The following GRIK4 variants were observed in gnomAD, a reference collection of about 807,000 sequenced individuals.
The protein encoded by GRIK4 is glutamate ionotropic receptor kainate type subunit 4.
In GRIK4, 40 loss-of-function variants were observed where a neutral mutation model predicts 104.9. That is an observed-to-expected ratio of 0.38 (90% CI 0.30 to 0.50). The LOEUF (loss-of-function observed/expected upper bound fraction) is 0.50, where lower values mean the gene tolerates loss of function less well. Ranked by LOEUF, GRIK4 falls within the 20% of genes least tolerant of loss-of-function variation. The pLI is 0.93. For missense variants in GRIK4, 1,047 were observed against 1,308.1 expected, an observed-to-expected ratio of 0.80 and a Z score of 3.08; for synonymous variants, 485 against 524.9, an observed-to-expected ratio of 0.92 and a Z score of 1.04.
intron 1 of GRIK4, among the ~76,000 whole-genome samples, chr11:120,543,241 C>T (rs1948054231): frequency 6.6e-6 from 1 of 152,154 alleles, no homozygotes; most frequent in African/African-American, 2.4e-5. Flanking sequence ...TAAACCTGCA[C>T]ATGTACCCCT....
intron 3 of GRIK4, among the ~76,000 whole-genome samples, chr11:120,753,880 G>A (rs903490975): frequency 6.6e-6 from 1 of 152,132 alleles, no homozygotes; most frequent in African/African-American, 2.4e-5. Flanking sequence ...TTAACCGTTA[G>A]GCAAGCTTCA....
chr11:120,657,439 ATCT>A (rs1200443411), intron 2 of GRIK4, among the ~76,000 whole-genome samples: 1 of 152,198 alleles, frequency 6.6e-6, no homozygotes, highest in Non-Finnish European at 1.5e-5. Flanking sequence ...TTTACTCTTT[ATCT>A]TCCTCTGTCT....
chr11:120,538,585 G>A (rs944285039), intron 1 of GRIK4, among the ~76,000 whole-genome samples: 8 of 152,202 alleles, frequency 5.3e-5, no homozygotes, highest in Admixed American at 3.3e-4. Flanking sequence ...CTTCCTGGCC[G>A]CTTACGGCTG....
At chr11:120,688,323 C>T (rs531399766) in intron 3 of GRIK4, among the ~76,000 whole-genome samples, 7 of 152,298 alleles carry the variant, frequency 4.6e-5, no homozygotes, top group South Asian at 2.1e-4. Flanking sequence ...CACCCTACCC[C>T]GAAGAGGAAG....
At chr11:120,933,799 C>T (rs116060684) in intron 13 of GRIK4, among the ~76,000 whole-genome samples, 6,060 of 152,190 alleles carry the variant, frequency 0.04, 403 homozygotes, top group African/African-American at 0.14. Context: ...GCCATTTGGA[C>T]GGCAAGGAGC....
chr11:120,521,440 C>T (rs1438271326), intron 1 of GRIK4, among the ~76,000 whole-genome samples: 1 of 152,156 alleles, frequency 6.6e-6, no homozygotes, highest in Non-Finnish European at 1.5e-5. Context: ...TTTGTGTCCT[C>T]TCCCCCAAAG....
intron 8 of GRIK4, among the ~76,000 whole-genome samples, chr11:120,838,152 GTGA>G (rs1056510231): frequency 6.6e-6 from 1 of 152,170 alleles, no homozygotes; most frequent in African/African-American, 2.4e-5. Flanking sequence ...AAGAATGATG[GTGA>G]TGATATTATC....
intron 13 of GRIK4, chr11:120,936,043 C>T: frequency 1.6e-5 from 3 of 188,272 alleles, no homozygotes; most frequent in Non-Finnish European, 2.1e-5. Flanking sequence ...CATCATCATC[C>T]TGGTCTTCAT....
chr11:120,940,271 A>G lies in GRIK4; in HGVS notation c.1477-76A>G. The G allele has an allele frequency of 1.2e-6, 1 of 831,266 alleles. No individual in the cohort carries two copies. Among genetic ancestry groups the G allele is most frequent in the East Asian group, 2.4e-5 (1 of 41,202 alleles). The allele number at this position is 831,266 out of a possible 1,614,324, so 51.5% of individuals were successfully genotyped here. ...CAGCATCACATCTCCAATAGCAGTG[A>G]CGGTTGCTGGTCGCAAGTCTCTGTG... On this transcript the variant is annotated intron_variant, in intron 13 of 20. Transcript: ENST00000527524. This position sits in a 1 kb window ranked among gnomAD's most constrained non-coding sequence, Gnocchi z 4.3.
intron 3 of GRIK4, among the ~76,000 whole-genome samples, chr11:120,672,423 A>T (rs930674641): frequency 8.5e-5 from 13 of 152,206 alleles, no homozygotes; most frequent in African/African-American, 2.9e-4. Flanking sequence ...TCTTAAAAAA[A>T]AAATAGAAAA....
intron 1 of GRIK4, among the ~76,000 whole-genome samples, chr11:120,597,612 G>A (rs1406739241): frequency 5.3e-5 from 8 of 152,216 alleles, no homozygotes; most frequent in East Asian, 1.9e-4. Flanking sequence ...TGCCTCAGCC[G>A]TGCGCTTTGC....
rs77766346 is a variant in GRIK4 at position 120,759,475 on chromosome 11, T to C, written c.83-43218T>C. Among the ~76,000 whole-genome samples the C allele has an allele frequency of 7.0e-3, 1,061 of 152,236 alleles. 15 individuals carry two copies. The highest frequency in any genetic ancestry group is 0.025 in the African/African-American group (1,022 of 41,544). The stretch of plus-strand genomic sequence containing the variant: ...TCTCCAAGATTGGCTTCTCCCAAGA[T>C]TGGATTCCCTTTGTATTGTATTGTG... On this transcript the variant is annotated intron_variant, in intron 3 of 20. Coordinates refer to ENST00000527524, the MANE Select transcript of GRIK4 (RefSeq NM_014619.5).
intron 11 of GRIK4, among the ~76,000 whole-genome samples, chr11:120,897,672 C>CAAAAT (rs549213988): frequency 3.4e-4 from 40 of 115,952 alleles, no homozygotes; most frequent in African/African-American, 1.3e-3. Context: ...AAAATAAAAA[C>CAAAAT]AAAATAAAGG....
chr11:120,812,273 A>T (rs1225920105), intron 4 of GRIK4, among the ~76,000 whole-genome samples: 1 of 152,178 alleles, frequency 6.6e-6, no homozygotes, highest in African/African-American at 2.4e-5. Context: ...AGATAAGAGG[A>T]GTAAAGTAGA....
At chr11:120,515,717 C>T (rs1296266619) in intron 1 of GRIK4, among the ~76,000 whole-genome samples, 2 of 152,194 alleles carry the variant, frequency 1.3e-5, no homozygotes, top group Non-Finnish European at 2.9e-5. Context: ...ATAGTAAGGA[C>T]ATAAGATATA....
Position 120,836,814 on chromosome 11 carries a change from A to G in GRIK4, c.714A>G (p.Ser238=). ...AGGCAGCCGAACTTGGGATGGTGTCAGCCTATTACACATACATCTTCACTA... is the reference window on the plus strand; with the variant it reads ...AGGCAGCCGAACTTGGGATGGTGTCGGCCTATTACACATACATCTTCACTA... ...LLKAAELGMV[S]AYYTYIFTNL... Residue 238 remains serine (S), a synonymous_variant, in exon 8 of 21, where the codon TCA becomes TCG. Transcript: ENST00000527524. The G allele has an allele frequency of 1.2e-6, 2 of 1,606,526 alleles. No individual in the cohort carries two copies. Among genetic ancestry groups the G allele is most frequent in the Non-Finnish European group, 1.7e-6 (2 of 1,173,034 alleles).
At chr11:120,959,689 A>G (rs1295975030) in intron 16 of GRIK4, among the ~76,000 whole-genome samples, 1 of 152,246 alleles carries the variant, frequency 6.6e-6, no homozygotes, top group African/African-American at 2.4e-5. Flanking sequence ...CTGAGCTGCA[A>G]AATTATTCTA....
chr11:120,789,233 C>T (rs868044265), intron 3 of GRIK4, among the ~76,000 whole-genome samples: 4 of 152,064 alleles, frequency 2.6e-5, no homozygotes, highest in Non-Finnish European at 5.9e-5. Context: ...CAGTGCGCCC[C>T]GAACTTAATA....
chr11:120,543,446 T>G (rs1948056011), intron 1 of GRIK4, among the ~76,000 whole-genome samples: 1 of 151,874 alleles, frequency 6.6e-6, no homozygotes, highest in Admixed American at 6.6e-5. Flanking sequence ...GATGGTGGTG[T>G]GTGCCTGTAA....
Sources: allele counts gnomAD v4.1 joint callset (sites outside exome capture counted in the v4.1 genomes callset), GRCh38; gene constraint gnomAD v4.1.1; non-coding constraint Gnocchi (gnomAD v3.1); transcripts MANE v1.5; gene names NCBI Gene and HGNC (gene_info 2026-07-23, HGNC 2026-07-21).